CCDC196: variants seen among roughly 807,000 people sequenced by gnomAD.
CCDC196 encodes the protein coiled-coil domain-containing protein 196.
intron 4 of CCDC196, among the ~76,000 whole-genome samples, chr14:66,489,266 T>C (rs1049059897): frequency 6.6e-6 from 1 of 152,252 alleles, no homozygotes. Context: ...AATCTGGCTC[T>C]TGCCTATTCT....
intron 8 of CCDC196, chr14:66,492,987 T>C (rs571814082): frequency 7.2e-5 from 11 of 152,688 alleles, no homozygotes; most frequent in African/African-American, 2.6e-4. Flanking sequence ...GAAAATAATA[T>C]AGTTCATTTA....
intron 8 of CCDC196, 146 bp downstream of exon 8, chr14:66,492,340 T>A (rs117549831): frequency 0.013 from 1,453 of 115,264 alleles, no homozygotes; most frequent in Middle Eastern, 0.026. Context: ...TTTCATTATC[T>A]TTTTTTTTTT....
chr14:66,488,229 G>T lies in CCDC196; in HGVS notation c.273G>T (p.Lys91Asn), dbSNP rs2057454127. 2 of 413,054 alleles carry T rather than the reference G, an allele frequency of 4.8e-6. No individual in the cohort carries two copies. The highest frequency in any genetic ancestry group is 4.4e-5 in the Admixed American group (1 of 22,702). The allele number at this position is 413,054 out of a possible 1,614,324, so 25.6% of individuals were successfully genotyped here. ...AATCCTCGGTCATGGAGCTCCTTAA[G>T]GAAGCAGAGGAGATGAAACAGAACT... The part of the protein sequence containing the change: ...CEESSVMELL[K>N]EAEEMKQNLE... Residue 91 changes from lysine to asparagine, a missense_variant, in exon 3 of 10, where the codon AAG (lysine) becomes AAT (asparagine). Coordinates refer to ENST00000636229, the MANE Select transcript of CCDC196 (RefSeq NM_001351576.1).
rs1448980664 is a variant in CCDC196, at chr14:66,491,033, C to A, written c.442C>A (p.Pro148Thr). 2.4e-6 allele frequency: 1 copy of A among 413,362 alleles called. No individual in the cohort carries two copies. The highest frequency in any genetic ancestry group is 4.4e-6 in the Non-Finnish European group (1 of 226,178). The allele number at this position is 413,362 out of a possible 1,614,324, so 25.6% of individuals were successfully genotyped here. Reference protein sequence around the residue: ...DLQDGKAPKSPSSPRKTESEL... With the variant: ...DLQDGKAPKSTSSPRKTESEL... ...TCTTTCATCCCAGGCTCCCAAATCC[C>A]CCTCATCACCTAGGAAGACTGAGAG... The change falls in exon 6 of 10, where the codon CCC (proline) becomes ACC (threonine). Residue 148 changes from proline to threonine, a missense_variant. Pro to Thr is a conservative substitution (Grantham distance 38). Transcript: ENST00000636229.
chr14:66,488,850 C>A, intron 3 of CCDC196, 137 bp from the exon 4 acceptor site: 1 of 405,958 alleles, frequency 2.5e-6, no homozygotes, highest in Non-Finnish European at 4.5e-6. Context: ...GGGATTAGAC[C>A]CATTCATTGC....
intron 8 of CCDC196, among the ~76,000 whole-genome samples, chr14:66,492,509 T>C (rs935163296): frequency 6.6e-5 from 10 of 151,888 alleles, no homozygotes; most frequent in Admixed American, 6.6e-4. Context: ...GCCCAGCTAA[T>C]TTTTGTATTT....
chr14:66,496,429 T>C (rs948169503), intron 8 of CCDC196: 7 of 453,852 alleles, frequency 1.5e-5, no homozygotes, highest in Admixed American at 2.4e-5. Flanking sequence ...ATGCCCAGGA[T>C]GTGGCATTAC....
chr14:66,490,225 T>C (rs954073793), intron 4 of CCDC196, among the ~76,000 whole-genome samples: 2 of 127,356 alleles, frequency 1.6e-5, no homozygotes, highest in African/African-American at 8.7e-5. Context: ...GGGACATCTA[T>C]ACACTTAACC....
intron 4 of CCDC196, among the ~76,000 whole-genome samples, chr14:66,489,258 T>C (rs1040926054): frequency 2.0e-5 from 3 of 152,230 alleles, no homozygotes; most frequent in Non-Finnish European, 4.4e-5. Flanking sequence ...TGTGGCATAA[T>C]CTGGCTCTTG....
intron 8 of CCDC196, 60 bp downstream of exon 8, chr14:66,492,254 G>A (rs2057557714): frequency 4.9e-6 from 2 of 411,896 alleles, no homozygotes; most frequent in Non-Finnish European, 8.9e-6. Flanking sequence ...TTATATTGGA[G>A]ACCTTTACTT....
At chr14:66,495,185 C>A (rs1313250465) in intron 8 of CCDC196, among the ~76,000 whole-genome samples, 1 of 152,102 alleles carries the variant, frequency 6.6e-6, no homozygotes, top group Non-Finnish European at 1.5e-5. Context: ...AAATTTATCC[C>A]AATTGCCACC....
chr14:66,495,566 C>T (rs769874101), intron 8 of CCDC196: 1 of 152,132 alleles, frequency 6.6e-6, no homozygotes, highest in Non-Finnish European at 1.5e-5. Context: ...AATTTGAATC[C>T]AAATTTATTA....
intron 8 of CCDC196, among the ~76,000 whole-genome samples, chr14:66,497,667 C>T (rs2057696906): frequency 6.6e-6 from 1 of 152,032 alleles, no homozygotes. Flanking sequence ...CCCTATAATT[C>T]TCCCTTTTTC....
intron 8 of CCDC196, 130 bp from the exon 9 acceptor site, chr14:66,497,979 T>TAA: frequency 1.2e-4 from 40 of 327,214 alleles, no homozygotes; most frequent in Admixed American, 3.1e-4. Flanking sequence ...AGTTATTTTC[T>TAA]AAAAAAAAAA....
intron 8 of CCDC196, chr14:66,496,354 C>T (rs1174254468): frequency 6.6e-6 from 3 of 456,256 alleles, no homozygotes. Flanking sequence ...TGGCAAAATA[C>T]AATCCTGTGT....
chr14:66,486,595 TC>T (rs2057404189), intron 1 of CCDC196, 43 bp downstream of exon 1: 6 of 375,572 alleles, frequency 1.6e-5, no homozygotes, highest in Non-Finnish European at 2.9e-5. Flanking sequence ...AGAGGGTCTC[TC>T]TCTCTCTCTC....
rs2057477421 is a variant in CCDC196, at chr14:66,489,070, C to T, written c.351+33C>T. 9.7e-6 allele frequency: 4 copies of T among 413,034 alleles called. No homozygotes were observed. In the South Asian group the frequency reaches 5.1e-4, roughly 53 times the overall value. The allele number at this position is 413,034 out of a possible 1,614,324, so 25.6% of individuals were successfully genotyped here. On this transcript the variant is annotated intron_variant, in intron 4 of 9. Transcript: ENST00000636229. The stretch of plus-strand genomic sequence containing the variant: ...TCTAAGGATCTATTGAAAGTATTGT[C>T]CTACAGATCACAACGCAAAGAACCT...
intron 8 of CCDC196, chr14:66,496,950 T>C (rs1319435324): frequency 2.6e-5 from 4 of 152,354 alleles, no homozygotes; most frequent in Admixed American, 2.6e-4. Flanking sequence ...TTATTTATTC[T>C]CTAACTCCTT....
At chr14:66,497,340 C>T (rs1454744902) in intron 8 of CCDC196, among the ~76,000 whole-genome samples, 1 of 152,086 alleles carries the variant, frequency 6.6e-6, no homozygotes, top group Non-Finnish European at 1.5e-5. Context: ...AATTTTGAAG[C>T]TTGACAAAAT....
Sources: allele counts gnomAD v4.1 joint callset (sites outside exome capture counted in the v4.1 genomes callset), GRCh38; gene constraint gnomAD v4.1.1; transcripts MANE v1.5; gene names NCBI Gene and HGNC (gene_info 2026-07-23, HGNC 2026-07-21).